The following SAA2 variants were observed in gnomAD, a reference collection of about 807,000 sequenced individuals.
The protein encoded by SAA2 is serum amyloid A2.
In SAA2, 5 loss-of-function variants were observed where a neutral mutation model predicts 9.1. The observed-to-expected ratio is 0.55, with a 90% confidence interval of 0.29 to 1.16. The LOEUF is 1.16. SAA2 is among the 50% of genes most tolerant of loss of function. The pLI is 0.09. For missense variants in SAA2, 94 were observed against 153.8 expected, an observed-to-expected ratio of 0.61 and a Z score of 2.06; for synonymous variants, 49 against 59.8, an observed-to-expected ratio of 0.82 and a Z score of 0.83.
At chr11:18,240,245 A>T (rs1251407014), downstream of SAA2, 1 of 703,538 alleles carries the variant, frequency 1.4e-6, no homozygotes, top group East Asian at 2.7e-5. Context: ...TCATCTTTTG[A>T]AAAAGTCCAT....
chr11:18,242,771 C>G, downstream of SAA2: 3 of 700,750 alleles, frequency 4.3e-6, no homozygotes, highest in Non-Finnish European at 7.8e-6. Context: ...TCTTGAGCCC[C>G]GGGAGGTCGA....
downstream of SAA2, among the ~76,000 whole-genome samples, chr11:18,238,672 T>C (rs764776512): frequency 6.6e-5 from 10 of 152,196 alleles, no homozygotes; most frequent in African/African-American, 9.6e-5. Context: ...AATCCAATTA[T>C]ACTCTTTTGG....
At chr11:18,245,214 AAAG>A (rs1025554018), downstream of SAA2, 7 of 1,442,120 alleles carry the variant, frequency 4.9e-6, no homozygotes, top group South Asian at 1.5e-5. Flanking sequence ...GTCAGCACCA[AAAG>A]AAGAACACAC....
downstream of SAA2, chr11:18,242,682 CAAAAAATAT>C: frequency 1.5e-6 from 1 of 662,848 alleles, no homozygotes; most frequent in South Asian, 1.6e-5. Flanking sequence ...CCCATCTCTA[CAAAAAATAT>C]AAAAATTAGG....
chr11:18,247,422 T>G lies in SAA2; in HGVS notation c.91+499A>C, dbSNP rs1357550972. Among the ~76,000 whole-genome samples, 26 of 149,482 alleles carry G rather than the reference T, an allele frequency of 1.7e-4. No homozygotes were observed. The East Asian group carries it at 3.7e-3, about 21-fold the overall frequency. On this transcript the variant is annotated intron_variant, in intron 2 of 3. Transcript: ENST00000256733. The stretch of plus-strand genomic sequence containing the variant: ...TTTTATACCAATTGCAGGCCTTATT[T>G]TGCATCTTCTACTCAAAACAAACAG...
chr11:18,242,769 C>T, downstream of SAA2: 2 of 700,740 alleles, frequency 2.9e-6, no homozygotes, highest in South Asian at 1.5e-5. Flanking sequence ...TCTCTTGAGC[C>T]CCGGGAGGTC....
At chr11:18,243,126 T>C (rs1267238134), downstream of SAA2, among the ~76,000 whole-genome samples, 2 of 152,168 alleles carry the variant, frequency 1.3e-5, no homozygotes, top group Non-Finnish European at 2.9e-5. Context: ...CTATGGACTA[T>C]ATTGAATTAA....
Position 18,245,460 on chromosome 11 carries a change from C to T in SAA2, c.286G>A (p.Ala96Thr), listed in dbSNP as rs1857477362. The change falls in exon 4 of 4, where the codon GCC becomes ACC. Residue 96 changes from alanine (A) to threonine (T), a missense_variant. Transcript: ENST00000256733. ...LTGRGAEDSL[A>T]DQAANKWGRS... ...CCCCATTTATTGGCAGCCTGATCGG[C>T]CAGCGAGTCCTCCGCACCACGGCCT... 1.9e-6 allele frequency: 3 copies of T among 1,614,072 alleles called. No individual in the cohort carries two copies. In the African/African-American group the frequency reaches 4.0e-5, roughly 22 times the overall value.
At chr11:18,247,519 G>A (rs1330037804) in intron 2 of SAA2, among the ~76,000 whole-genome samples, 2 of 146,594 alleles carry the variant, frequency 1.4e-5, no homozygotes, top group African/African-American at 2.6e-5. Context: ...TCTCTAATCT[G>A]TTTAGCAGCT....
chr11:18,242,692 A>G, downstream of SAA2: 2 of 669,978 alleles, frequency 3.0e-6, no homozygotes, highest in Non-Finnish European at 5.5e-6. Context: ...CAAAAAATAT[A>G]AAAATTAGGC....
chr11:18,239,310 C>T (rs1857277577), exon 4 of SAA2: 1 of 162,032 alleles, frequency 6.2e-6, no homozygotes. Context: ...TAAGTCAGTA[C>T]TACACTGTTG....
downstream of SAA2, among the ~76,000 whole-genome samples, chr11:18,243,461 G>A (rs1053753106): frequency 2.0e-5 from 3 of 152,088 alleles, no homozygotes; most frequent in East Asian, 3.9e-4. Flanking sequence ...ACAACTTGGG[G>A]TCAACTCAGA....
At chr11:18,242,663 C>A (rs778494179), downstream of SAA2, 15 of 630,028 alleles carry the variant, frequency 2.4e-5, no homozygotes, top group African/African-American at 3.6e-5. Context: ...CTGGGTGACA[C>A]GGCGAAACCC....
intron 3 of SAA2, chr11:18,240,065 T>TG: frequency 6.8e-6 from 10 of 1,474,246 alleles, no homozygotes; most frequent in Non-Finnish European, 9.2e-6. Flanking sequence ...AATAACCCAA[T>TG]GGGGTACCGG....
chr11:18,241,593 G>A (rs909479902), downstream of SAA2, among the ~76,000 whole-genome samples: 12 of 152,050 alleles, frequency 7.9e-5, no homozygotes, highest in Admixed American at 3.3e-4. Flanking sequence ...GAATGAAATC[G>A]TATCTTTTGC....
chr11:18,243,495 TCAA>T (rs1295956616), downstream of SAA2, among the ~76,000 whole-genome samples: 2 of 152,166 alleles, frequency 1.3e-5, no homozygotes, highest in African/African-American at 4.8e-5. Flanking sequence ...AACACTAATC[TCAA>T]CAGTGCATTG....
At chr11:18,238,384 G>A (rs1857252308), downstream of SAA2, among the ~76,000 whole-genome samples, 1 of 152,086 alleles carries the variant, frequency 6.6e-6, no homozygotes, top group Admixed American at 6.5e-5. Flanking sequence ...TTCTGCCAAA[G>A]AAATTATTTA....
At chr11:18,241,712 AC>A (rs541643028), downstream of SAA2, among the ~76,000 whole-genome samples, 15 of 152,306 alleles carry the variant, frequency 9.8e-5, no homozygotes, top group South Asian at 3.1e-3. Context: ...GTACACATGG[AC>A]ATAGAAAGTG....
downstream of SAA2, among the ~76,000 whole-genome samples, chr11:18,243,343 T>G (rs1199961020): frequency 6.6e-6 from 1 of 152,204 alleles, no homozygotes; most frequent in Non-Finnish European, 1.5e-5. Flanking sequence ...CATCCTCCCT[T>G]TCTCTCCCTC....
Sources: allele counts gnomAD v4.1 joint callset (sites outside exome capture counted in the v4.1 genomes callset), GRCh38; gene constraint gnomAD v4.1.1; transcripts MANE v1.5; gene names NCBI Gene and HGNC (gene_info 2026-07-23, HGNC 2026-07-21).